The following CERT1 variants were observed in gnomAD, a reference collection of about 807,000 sequenced individuals.
The protein encoded by CERT1 is ceramide transfer protein.
Under a neutral mutation model 87.9 loss-of-function variants are expected in CERT1, and 31 were observed. The ratio of observed to expected loss-of-function variants is 0.35; its 90% CI spans 0.27 to 0.48. The LOEUF is 0.48. Ranked by LOEUF, CERT1 falls within the 20% of genes least tolerant of loss-of-function variation. The pLI is 0.99. For synonymous variants in CERT1, 289 were observed against 250.9 expected (o/e 1.15, Z -1.44); for missense variants, 487 against 758.0 (o/e 0.64, Z 4.20).
At position 75,427,911 on chromosome 5, in the gene CERT1, CTAAT is replaced by C. The variant is rs550950761; in HGVS notation, c.349-1437_349-1434del. Reference sequence around the variant, plus strand: ...CAATAAACAAGTGGTAAAATAATATCTAATTATTTTTAGTATCAAACCTATGGTT... The same window carrying C: ...CAATAAACAAGTGGTAAAATAATATCTATTTTTAGTATCAAACCTATGGTT... On this transcript the variant is annotated intron_variant, in intron 3 of 16. Transcript: ENST00000643780. Among the ~76,000 whole-genome samples the C allele has an allele frequency of 8.0e-4, 122 of 151,954 alleles. 1 individual carries two copies. Among genetic ancestry groups the C allele is most frequent in the Admixed American group, 6.1e-3 (93 of 15,274 alleles).
At chr5:75,478,295 C>T (rs549551960) in intron 2 of CERT1, among the ~76,000 whole-genome samples, 11 of 150,240 alleles carry the variant, frequency 7.3e-5, no homozygotes, top group Admixed American at 2.0e-4. Context: ...GCCTGGGTGA[C>T]AGAGCAAGAC....
chr5:75,505,486 TTATTCCACA>T (rs1767610685), intron 2 of CERT1: 1 of 152,170 alleles, frequency 6.6e-6, no homozygotes, highest in East Asian at 1.9e-4. Context: ...CTTCAGGCTT[TTATTCCACA>T]TTAGAGAAAT....
Position 75,477,038 on chromosome 5 carries a change from G to T in CERT1, c.232-17857C>A, listed in dbSNP as rs116986864. Among the ~76,000 whole-genome samples, 315 of 152,232 alleles carry T rather than the reference G, an allele frequency of 2.1e-3. 1 individual carries two copies. In the East Asian group the frequency reaches 0.027, roughly 13 times the overall value. ...CTTGACTTCTGCAAAGGTGTTATCT[G>T]AAGATACATGATAACCTTTGCAGAT... On this transcript the variant is annotated intron_variant, in intron 2 of 16. Transcript: ENST00000643780.
intron 2 of CERT1, among the ~76,000 whole-genome samples, chr5:75,489,614 T>C (rs1190670125): frequency 1.3e-5 from 2 of 152,130 alleles, no homozygotes; most frequent in Non-Finnish European, 2.9e-5. Context: ...GACATTTATG[T>C]GGCCAACAAA....
At chr5:75,471,372 T>C (rs1055675093) in intron 2 of CERT1, among the ~76,000 whole-genome samples, 1 of 152,154 alleles carries the variant, frequency 6.6e-6, no homozygotes, top group African/African-American at 2.4e-5. Context: ...ATAGAAATGG[T>C]TATGCATTAA....
At chr5:75,458,298 T>C (rs929446611) in intron 3 of CERT1, among the ~76,000 whole-genome samples, 2 of 152,154 alleles carry the variant, frequency 1.3e-5, no homozygotes, top group Non-Finnish European at 2.9e-5. Context: ...TATAGGTTTA[T>C]CATTAGATAG....
At position 75,434,486 on chromosome 5, in the gene CERT1, G is replaced by A. The variant is rs370128306; in HGVS notation, c.349-8008C>T. ...GTGTCTCTGCCAGGTTTTGGTATAA[G>A]AATGATGCTGGCCTCAGAATGAGTT... On this transcript the variant is annotated intron_variant, in intron 3 of 16. Transcript: ENST00000643780. 3.5e-4 allele frequency among the ~76,000 whole-genome samples: 53 copies of A among 152,186 alleles called. 1 individual carries two copies. In the East Asian group the frequency reaches 0.01, roughly 29 times the overall value.
chr5:75,461,598 AT>A (rs1765233997), intron 2 of CERT1, among the ~76,000 whole-genome samples: 1 of 152,208 alleles, frequency 6.6e-6, no homozygotes, highest in Non-Finnish European at 1.5e-5. Context: ...AATGTTTTAC[AT>A]TTTGTAATGT....
At chr5:75,503,921 T>TAAATTAAA (rs1767530808) in intron 2 of CERT1, among the ~76,000 whole-genome samples, 1 of 262 alleles carries the variant, frequency 3.8e-3, no homozygotes, top group African/African-American at 0.019. Context: ...ATTTAAAATT[T>TAAATTAAA]TCTTTTCTCC....
intron 3 of CERT1, among the ~76,000 whole-genome samples, chr5:75,427,754 C>T (rs1415467067): frequency 1.3e-5 from 2 of 152,100 alleles, no homozygotes; most frequent in Admixed American, 6.5e-5. Context: ...TTATATTGAA[C>T]AGCTTTTCTT....
intron 8 of CERT1, among the ~76,000 whole-genome samples, chr5:75,404,756 C>T (rs1053142007): frequency 6.6e-6 from 1 of 152,126 alleles, no homozygotes; most frequent in South Asian, 2.1e-4. Context: ...TGCCTATAAA[C>T]CCAGCACTCT....
chr5:75,449,166 GGACATACTAAGA>G (rs1401728129), intron 3 of CERT1, among the ~76,000 whole-genome samples: 1 of 151,704 alleles, frequency 6.6e-6, no homozygotes, highest in Non-Finnish European at 1.5e-5. Flanking sequence ...TTTTACTTTG[GGACATACTAAGA>G]GATTAAGGCA....
chr5:75,443,782 C>G (rs1347773864), intron 3 of CERT1, among the ~76,000 whole-genome samples: 2 of 152,104 alleles, frequency 1.3e-5, no homozygotes, highest in Non-Finnish European at 2.9e-5. Context: ...CTGTCTATTT[C>G]TCCTTTCAAT....
chr5:75,384,975 C>A (rs1201227842), intron 13 of CERT1, among the ~76,000 whole-genome samples: 2 of 152,204 alleles, frequency 1.3e-5, no homozygotes, highest in Non-Finnish European at 2.9e-5. Flanking sequence ...CTAATCACCA[C>A]TGCATCACTC....
chr5:75,511,458 G>A lies in CERT1; in HGVS notation c.-251C>T, dbSNP rs977873801. 2.2e-5 allele frequency: 33 copies of A among 1,529,482 alleles called. No individual in the cohort carries two copies. The highest frequency in any genetic ancestry group is 2.5e-5 in the Non-Finnish European group (29 of 1,138,210). 94.7% of individuals were successfully genotyped at this position (1,529,482 alleles called of 1,614,324 possible). ...CCAGCCGTCAGCCGCCGCCGCCGTC[G>A]CCGTGACCCCTGCGTTGCGCCCGGC... On this transcript the variant is annotated 5_prime_UTR_variant, in exon 1 of 17. Transcript: ENST00000643780.
In CERT1 at chr5:75,416,926, T is replaced by C. The variant is rs376147701; in HGVS notation, c.787A>G (p.Ile263Val). Reference protein sequence around the residue: ...AGILATLSHCIELMVKREDSW... With the variant: ...AGILATLSHCVELMVKREDSW... Reference sequence around the variant, plus strand: ...TCCTCACGTTTAACCATTAGTTCAATACAATGAGAAAGTGTTGCAAGGATT... The same window carrying C: ...TCCTCACGTTTAACCATTAGTTCAACACAATGAGAAAGTGTTGCAAGGATT... The change falls in exon 7 of 17, where the codon ATT (isoleucine) becomes GTT (valine). Residue 263 changes from isoleucine to valine, a missense_variant. Physicochemically the swap from Ile to Val is conservative, Grantham distance 29. Transcript: ENST00000643780. 8 of 1,613,616 alleles carry C rather than the reference T, an allele frequency of 5.0e-6. 1 individual carries two copies. The highest frequency in any genetic ancestry group is 2.2e-5 in the South Asian group (2 of 91,062).
chr5:75,452,855 T>C (rs1209733986), intron 3 of CERT1, among the ~76,000 whole-genome samples: 1 of 152,186 alleles, frequency 6.6e-6, no homozygotes, highest in Admixed American at 6.5e-5. Flanking sequence ...AAAAATAATT[T>C]AGCATTGTCT....
At chr5:75,392,824 G>C (rs1762079775) in intron 11 of CERT1, among the ~76,000 whole-genome samples, 1 of 151,416 alleles carries the variant, frequency 6.6e-6, no homozygotes, top group Admixed American at 6.6e-5. Flanking sequence ...AAAAAAATTG[G>C]CCGGGCGTGG....
chr5:75,407,126 A>G (rs925647426), intron 8 of CERT1, among the ~76,000 whole-genome samples: 16 of 152,200 alleles, frequency 1.1e-4, no homozygotes, highest in African/African-American at 3.9e-4. Context: ...GTGAGAAAAA[A>G]AATAATTAGA....
Sources: allele counts gnomAD v4.1 joint callset (sites outside exome capture counted in the v4.1 genomes callset), GRCh38; gene constraint gnomAD v4.1.1; transcripts MANE v1.5; gene names NCBI Gene and HGNC (gene_info 2026-07-23, HGNC 2026-07-21).